TNFSF18: variants seen among roughly 807,000 people sequenced by gnomAD.
The protein encoded by TNFSF18 is TNF superfamily member 18, also known as tumor necrosis factor ligand superfamily member 18.
In TNFSF18, 6 loss-of-function variants were observed where a neutral mutation model predicts 9.6. The observed-to-expected ratio is 0.63, with a 90% CI of 0.34 to 1.24. The LOEUF (loss-of-function observed/expected upper bound fraction) is 1.24. Ranked by LOEUF, TNFSF18 falls within the 50% of genes most tolerant of loss-of-function variation. TNFSF18 has a pLI of 0.03. For synonymous variants in TNFSF18, 68 were observed against 71.7 expected (o/e 0.95, Z 0.26); for missense variants, 210 against 201.0 (o/e 1.04, Z -0.27).
At chr1:173,042,466 T>C (rs1665008839) in intron 2 of TNFSF18, among the ~76,000 whole-genome samples, 1 of 152,128 alleles carries the variant, frequency 6.6e-6, no homozygotes, top group Non-Finnish European at 1.5e-5. Context: ...CTCCTCAGTT[T>C]GTAGGTATAT....
In TNFSF18 at chr1:173,041,694, C is replaced by T. The variant is rs1396168099; in HGVS notation, c.207G>A (p.Trp69Ter). 6.2e-7 allele frequency: 1 copy of T among 1,603,596 alleles called. No homozygotes were observed. The highest frequency in any genetic ancestry group is 8.5e-7 in the Non-Finnish European group (1 of 1,174,824). ...MAKFGPLPSK[W>*]QMASSEPPCV... ...AAGGAGGTTCAGAAGATGCCATTTG[C>T]CATTTTGAGGGTAATGGTCCTATAA... Residue 69 changes from tryptophan (W) to a stop codon, truncating the protein, a stop_gained, in exon 3 of 3, where the codon TGG becomes TGA. Coordinates refer to ENST00000404377, the MANE Select transcript of TNFSF18 (RefSeq NM_005092.4). LOFTEE classifies it low-confidence loss of function (END_TRUNC).
intron 1 of TNFSF18, among the ~76,000 whole-genome samples, chr1:173,049,211 G>T (rs922048305): frequency 6.6e-6 from 1 of 152,078 alleles, no homozygotes; most frequent in East Asian, 1.9e-4. Context: ...AGAACTGCTG[G>T]GTGCCTTTGG....
intron 1 of TNFSF18, among the ~76,000 whole-genome samples, chr1:173,045,718 T>A (rs565844761): frequency 1.5e-4 from 23 of 152,112 alleles, no homozygotes; most frequent in Non-Finnish European, 3.2e-4. Flanking sequence ...TTGATGGAAA[T>A]GTTTCTGTAA....
intron 1 of TNFSF18, 78 bp from the exon 2 acceptor site, chr1:173,044,047 T>C (rs757959921): frequency 1.0e-5 from 14 of 1,349,840 alleles, no homozygotes; most frequent in Non-Finnish European, 1.5e-5. Flanking sequence ...ATTTAGAGCT[T>C]TGAATTCCTG....
intron 1 of TNFSF18, among the ~76,000 whole-genome samples, chr1:173,044,230 C>A (rs1345960776): frequency 6.6e-6 from 1 of 151,074 alleles, no homozygotes; most frequent in Non-Finnish European, 1.5e-5. Context: ...TAATCTATAC[C>A]TACAGGACAA....
At chr1:173,050,705 A>C in intron 1 of TNFSF18, 36 bp downstream of exon 1, 2 of 1,374,136 alleles carry the variant, frequency 1.5e-6, no homozygotes, top group Non-Finnish European at 2.0e-6. Context: ...AGAGGATTAT[A>C]GCAAATAGTA....
intron 2 of TNFSF18, among the ~76,000 whole-genome samples, chr1:173,043,397 T>C (rs1665022689): frequency 6.6e-6 from 1 of 152,196 alleles, no homozygotes; most frequent in African/African-American, 2.4e-5. Flanking sequence ...TCAGTGTAAC[T>C]GTAAACTGGT....
At chr1:173,045,341 T>A (rs1665063847) in intron 1 of TNFSF18, among the ~76,000 whole-genome samples, 1 of 152,122 alleles carries the variant, frequency 6.6e-6, no homozygotes, top group Non-Finnish European at 1.5e-5. Flanking sequence ...GAGTCTGATG[T>A]TTGGAAGCCA....
Position 173,041,655 on chromosome 1 carries a change from C to T in TNFSF18, c.246G>A (p.Val82=). ...ASSEPPCVNK[V]SDWKLEILQN... ...GAAGTATCTCCAGCTTCCAGTCAGA[C>T]ACCTTATTCACGCAAGGAGGTTCAG... The change falls in exon 3 of 3, where the codon GTG becomes GTA. Residue 82 remains valine (V), a synonymous_variant. Coordinates refer to ENST00000404377, the MANE Select transcript of TNFSF18 (RefSeq NM_005092.4). 1.2e-6 allele frequency: 2 copies of T among 1,613,354 alleles called. No homozygotes were observed. Among genetic ancestry groups the T allele is most frequent in the Non-Finnish European group, 1.7e-6 (2 of 1,179,548 alleles).
chr1:173,044,076 T>A, intron 1 of TNFSF18, 107 bp from the exon 2 acceptor site: 1 of 1,051,064 alleles, frequency 9.5e-7, no homozygotes, highest in African/African-American at 1.6e-5. Context: ...TAGTGTTCTA[T>A]AACCATAAAA....
chr1:173,039,608 C>A lies in TNFSF18; in HGVS notation c.*1759G>T, dbSNP rs1664957700. ...CCTATAGTTAATAACTAAAGTGCAACATTCCTGAAAATTTAATAATATGTG... is the reference window on the plus strand; with the variant it reads ...CCTATAGTTAATAACTAAAGTGCAAAATTCCTGAAAATTTAATAATATGTG... On this transcript the variant is annotated 3_prime_UTR_variant, in exon 3 of 3. Transcript: ENST00000404377. Among the ~76,000 whole-genome samples the A allele has an allele frequency of 6.6e-6, 1 of 152,022 alleles. No homozygotes were observed. Among genetic ancestry groups the A allele is most frequent in the Non-Finnish European group, 1.5e-5 (1 of 68,006 alleles).
intron 1 of TNFSF18, among the ~76,000 whole-genome samples, chr1:173,045,205 C>T (rs1665059451): frequency 6.6e-6 from 1 of 151,932 alleles, no homozygotes; most frequent in South Asian, 2.1e-4. Flanking sequence ...TTGTATGAGG[C>T]CATCATGTTA....
At chr1:173,045,782 C>T (rs1233006505) in intron 1 of TNFSF18, among the ~76,000 whole-genome samples, 1 of 151,934 alleles carries the variant, frequency 6.6e-6, no homozygotes, top group African/African-American at 2.4e-5. Flanking sequence ...CAGCAATGTC[C>T]CTGAGTAGGC....
At chr1:173,047,507 T>C (rs923055584) in intron 1 of TNFSF18, among the ~76,000 whole-genome samples, 2 of 152,232 alleles carry the variant, frequency 1.3e-5, no homozygotes, top group African/African-American at 4.8e-5. Context: ...TTGTACAGCA[T>C]TGTAAGCATG....
intron 1 of TNFSF18, among the ~76,000 whole-genome samples, chr1:173,048,703 A>G (rs1455497465): frequency 6.6e-6 from 1 of 152,188 alleles, no homozygotes; most frequent in Non-Finnish European, 1.5e-5. Flanking sequence ...ACACTTTTTA[A>G]AGTAGTGTCT....
chr1:173,042,322 T>C (rs547986258), intron 2 of TNFSF18, among the ~76,000 whole-genome samples: 5 of 152,282 alleles, frequency 3.3e-5, no homozygotes, highest in South Asian at 4.1e-4. Context: ...AATATATCTC[T>C]ATTTTGTTCA....
At chr1:173,049,004 C>G (rs1665125962) in intron 1 of TNFSF18, among the ~76,000 whole-genome samples, 2 of 152,188 alleles carry the variant, frequency 1.3e-5, no homozygotes, top group South Asian at 4.1e-4. Flanking sequence ...GAACAATATT[C>G]TAAAAACATT....
intron 2 of TNFSF18, among the ~76,000 whole-genome samples, chr1:173,043,367 G>A (rs1391660556): frequency 2.6e-5 from 4 of 152,122 alleles, no homozygotes; most frequent in Non-Finnish European, 5.9e-5. Flanking sequence ...AATTTTCCAT[G>A]TATTCTAAGA....
At chr1:173,049,652 G>A (rs1557846453) in intron 1 of TNFSF18, among the ~76,000 whole-genome samples, 1 of 152,108 alleles carries the variant, frequency 6.6e-6, no homozygotes, top group Non-Finnish European at 1.5e-5. Context: ...TATCTTAAGT[G>A]GTAGAACTAT....
Sources: gnomAD v4.1 joint callset for allele counts (sites outside exome capture counted in the v4.1 genomes callset) on GRCh38, gnomAD v4.1.1 for gene constraint, MANE v1.5 for transcripts, NCBI Gene and HGNC (gene_info 2026-07-23, HGNC 2026-07-21) for gene names.